The following CEP63 variants were observed in gnomAD, a reference collection of about 807,000 sequenced individuals.
The protein encoded by CEP63 is centrosomal protein 63, also known as centrosomal protein of 63 kDa.
Under a neutral mutation model 89.1 loss-of-function variants are expected in CEP63, and 84 were observed. The observed-to-expected ratio is 0.94, with a 90% CI of 0.79 to 1.13. The LOEUF (loss-of-function observed/expected upper bound fraction) is 1.13. Ranked by LOEUF, CEP63 falls within the 50% of genes most tolerant of loss-of-function variation. The probability of loss-of-function intolerance (pLI) is 0.00; values close to 1 mark genes in which losing one functional copy is unlikely to be tolerated. For synonymous variants in CEP63, 267 were observed against 272.5 expected, an observed-to-expected ratio of 0.98 and a Z score of 0.20; for missense variants, 838 against 813.3, an observed-to-expected ratio of 1.03 and a Z score of -0.37.
chr3:134,547,404 C>CT lies in CEP63; in HGVS notation c.1000dup (p.Ser334PhefsTer9). ...GGCAGGGGGACTTAGACAGTGTGCT[C>CT]TCCCAGTTGAATTTTACCCATACTA... On this transcript the variant is annotated frameshift_variant, in exon 9 of 15. Coordinates refer to ENST00000675561, the MANE Select transcript of CEP63 (RefSeq NM_001353108.3). LOFTEE classifies it high-confidence loss of function. The CT allele has an allele frequency of 6.2e-7, 1 of 1,613,678 alleles. No individual in the cohort carries two copies.
chr3:134,764,852 A>C, the CEP63 span, among the ~76,000 whole-genome samples: 2 of 152,220 alleles, frequency 1.3e-5, no homozygotes, highest in Non-Finnish European at 2.9e-5. Flanking sequence ...CCAGGAGAGT[A>C]AACCATCCCC....
the CEP63 span, among the ~76,000 whole-genome samples, chr3:134,704,079 C>G: frequency 6.6e-6 from 1 of 152,346 alleles, no homozygotes; most frequent in East Asian, 1.9e-4. Context: ...TACCATGTTT[C>G]CCATACTTTC....
chr3:134,766,651 G>A, the CEP63 span, among the ~76,000 whole-genome samples: 5 of 152,252 alleles, frequency 3.3e-5, no homozygotes, highest in African/African-American at 1.2e-4. Flanking sequence ...CAGCCATGGT[G>A]TAAGGAGAGT....
At chr3:134,586,503 G>A (rs1447580743) in intron 10 of CEP63, among the ~76,000 whole-genome samples, 1 of 152,170 alleles carries the variant, frequency 6.6e-6, no homozygotes, top group Non-Finnish European at 1.5e-5. Context: ...TTTTCTTTAA[G>A]AATGTTGAAT....
At chr3:134,502,671 C>G (rs1328051466) in intron 2 of CEP63, among the ~76,000 whole-genome samples, 1 of 151,986 alleles carries the variant, frequency 6.6e-6, no homozygotes, top group Non-Finnish European at 1.5e-5. Context: ...GTAATGTCAC[C>G]TTTGTCATTT....
chr3:134,545,953 G>A, intron 7 of CEP63, 134 bp downstream of exon 7: 3 of 832,336 alleles, frequency 3.6e-6, no homozygotes, highest in Non-Finnish European at 5.7e-6. Context: ...GATATTGATA[G>A]TTTTACTAAT....
chr3:134,722,110 C>CT, the CEP63 span, among the ~76,000 whole-genome samples: 71 of 152,026 alleles, frequency 4.7e-4, no homozygotes, highest in African/African-American at 1.6e-3. Context: ...TTGGGCTGTT[C>CT]TTTTTGGGAA....
the CEP63 span, among the ~76,000 whole-genome samples, chr3:134,596,728 C>A: frequency 6.6e-6 from 1 of 152,190 alleles, no homozygotes; most frequent in Non-Finnish European, 1.5e-5. Flanking sequence ...GGAGCAGAAC[C>A]AAAGCATATA....
chr3:134,525,179 A>G (rs1577049377), intron 3 of CEP63, among the ~76,000 whole-genome samples: 1 of 152,008 alleles, frequency 6.6e-6, no homozygotes, highest in Non-Finnish European at 1.5e-5. Flanking sequence ...AGAGGTGTTT[A>G]TAGTATTCTC....
chr3:134,547,192 C>G, intron 8 of CEP63, 143 bp from the exon 9 acceptor site: 1 of 719,916 alleles, frequency 1.4e-6, no homozygotes, highest in Admixed American at 2.2e-5. Flanking sequence ...TTTCCTCTCC[C>G]AATATTCTTT....
chr3:134,650,628 CTGCGCGT>C, the CEP63 span, among the ~76,000 whole-genome samples: 2 of 152,092 alleles, frequency 1.3e-5, no homozygotes, highest in Non-Finnish European at 2.9e-5. Flanking sequence ...AATCACGGGG[CTGCGCGT>C]TGCCACGGGA....
the CEP63 span, chr3:134,620,985 G>A: frequency 1.5e-6 from 1 of 647,574 alleles, no homozygotes. Context: ...GTCCTGAGGG[G>A]CAAAGGCTGG....
At chr3:134,669,230 A>G in the CEP63 span, among the ~76,000 whole-genome samples, 1 of 152,018 alleles carries the variant, frequency 6.6e-6, no homozygotes, top group Non-Finnish European at 1.5e-5. Flanking sequence ...GGGTTTTGCC[A>G]TGTTGCTGGC....
At chr3:134,746,087 A>G in the CEP63 span, among the ~76,000 whole-genome samples, 1 of 144,774 alleles carries the variant, frequency 6.9e-6, no homozygotes, top group African/African-American at 2.5e-5. Flanking sequence ...ACCCCATGAC[A>G]GGCCCTGGTG....
the CEP63 span, among the ~76,000 whole-genome samples, chr3:134,714,034 G>A: frequency 1.3e-5 from 2 of 152,134 alleles, no homozygotes; most frequent in African/African-American, 4.8e-5. Flanking sequence ...AGTGGGCTGG[G>A]GCCAAGTGGA....
chr3:134,679,389 G>A, the CEP63 span, among the ~76,000 whole-genome samples: 4 of 152,092 alleles, frequency 2.6e-5, no homozygotes, highest in African/African-American at 9.7e-5. Flanking sequence ...AACAATATCT[G>A]GCCACAGAGC....
chr3:134,653,661 G>C, the CEP63 span, among the ~76,000 whole-genome samples: 1 of 152,232 alleles, frequency 6.6e-6, no homozygotes, highest in Middle Eastern at 3.2e-3. Context: ...ATCAGGAAAG[G>C]GGAAGGAGAG....
the CEP63 span, among the ~76,000 whole-genome samples, chr3:134,663,461 T>C: frequency 4.6e-5 from 7 of 152,208 alleles, no homozygotes; most frequent in African/African-American, 1.7e-4. Context: ...AGGCAGAGGC[T>C]GGGGGAGAGT....
At position 134,524,116 on chromosome 3, in the gene CEP63, A is replaced by G. The variant is rs140454221; in HGVS notation, c.223-7729A>G. On this transcript the variant is annotated intron_variant, in intron 3 of 14. Transcript: ENST00000675561. The stretch of plus-strand genomic sequence containing the variant: ...AGATTTTTCACCTCCCTGGTTAGCT[A>G]TATTCCTGGGTATTTTATTCTTTTT... Among the ~76,000 whole-genome samples, 629 of 152,068 alleles carry G rather than the reference A, an allele frequency of 4.1e-3. 3 individuals are homozygous for G. The highest frequency in any genetic ancestry group is 0.014 in the African/African-American group (598 of 41,476).
Sources: allele counts gnomAD v4.1 joint callset (sites outside exome capture counted in the v4.1 genomes callset), GRCh38; gene constraint gnomAD v4.1.1; transcripts MANE v1.5; gene names NCBI Gene and HGNC (gene_info 2026-07-23, HGNC 2026-07-21).